The following SRP68 variants were observed in gnomAD, a reference collection of about 807,000 sequenced individuals.
The protein encoded by SRP68 is signal recognition particle subunit SRP68.
A neutral mutation model predicts 82.2 loss-of-function variants in SRP68; 15 were observed. That is an observed-to-expected ratio of 0.18 (90% confidence interval 0.12 to 0.28). The LOEUF (loss-of-function observed/expected upper bound fraction) is 0.28, where lower values mean the gene tolerates loss of function less well. Ranked by LOEUF, SRP68 falls within the 10% of genes least tolerant of loss-of-function variation. The pLI is 1.00. For synonymous variants in SRP68, 261 were observed against 292.6 expected, an observed-to-expected ratio of 0.89 and a Z score of 1.10; for missense variants, 595 against 780.5, an observed-to-expected ratio of 0.76 and a Z score of 2.83.
Position 76,053,409 on chromosome 17 carries a change from G to C in SRP68, c.979-2883C>G, listed in dbSNP as rs1401650532. Reference sequence around the variant, plus strand: ...TCAGACAAGTGGGGTTAAGTGGTTGGAGCAACCGGCGTTCAAGAAAAGAGC... The same window carrying C: ...TCAGACAAGTGGGGTTAAGTGGTTGCAGCAACCGGCGTTCAAGAAAAGAGC... On this transcript the variant is annotated intron_variant, in intron 8 of 15. Transcript: ENST00000307877. 6 of 970,892 alleles carry C rather than the reference G, an allele frequency of 6.2e-6. No homozygotes were observed. In the African/African-American group the frequency reaches 1.1e-4, roughly 17 times the overall value. 60.1% of individuals were successfully genotyped at this position (970,892 alleles called of 1,614,324 possible).
At chr17:76,041,056 A>C in intron 13 of SRP68, 78 bp from the exon 14 acceptor site, 1 of 1,104,900 alleles carries the variant, frequency 9.1e-7, no homozygotes. Context: ...GAGTTAACCG[A>C]CCCCACTGGT....
At chr17:76,050,337 C>T in intron 9 of SRP68, 91 bp downstream of exon 9, 1 of 878,636 alleles carries the variant, frequency 1.1e-6, no homozygotes, top group Non-Finnish European at 1.9e-6. Context: ...GCGAGCAGTG[C>T]ACTCAGAGCA....
At chr17:76,047,823 A>C (rs1027340905) in intron 10 of SRP68, 83 bp downstream of exon 10, 12 of 671,966 alleles carry the variant, frequency 1.8e-5, no homozygotes, top group Non-Finnish European at 2.6e-5. Flanking sequence ...TTATAAATGT[A>C]AATATACATA....
At chr17:76,061,956 C>A (rs1245500867) in intron 4 of SRP68, among the ~76,000 whole-genome samples, 1 of 151,404 alleles carries the variant, frequency 6.6e-6, no homozygotes, top group Non-Finnish European at 1.5e-5. Context: ...CTGGGCAACA[C>A]AGCAAGATCT....
Position 76,061,138 on chromosome 17 carries a change from G to A in SRP68, c.726C>T (p.Pro242=). 6.2e-7 allele frequency: 1 copy of A among 1,613,040 alleles called. No homozygotes were observed. Among genetic ancestry groups the A allele is most frequent in the Non-Finnish European group, 8.5e-7 (1 of 1,179,002 alleles). Residue 242 remains proline (P), a synonymous_variant, in exon 6 of 16, where the codon CCC becomes CCT. Transcript: ENST00000307877. ...LYNQRVEEIS[P]NIRYCAYNIG... is the part of the protein sequence containing the mutation. ...TATTATATGCACAATAGCGGATGTTGGGTGAAATCTCTTCCACACGTTGGT... is the reference window on the plus strand; with the variant it reads ...TATTATATGCACAATAGCGGATGTTAGGTGAAATCTCTTCCACACGTTGGT...
chr17:76,051,761 T>C (rs1391609705), intron 8 of SRP68, among the ~76,000 whole-genome samples: 2 of 152,142 alleles, frequency 1.3e-5, no homozygotes. Flanking sequence ...GCTATAAATC[T>C]AGTAAAGCAA....
chr17:76,062,778 A>T (rs1413762488), intron 4 of SRP68, among the ~76,000 whole-genome samples: 1 of 100,928 alleles, frequency 9.9e-6, no homozygotes, highest in South Asian at 2.6e-4. Context: ...ATATATATAT[A>T]TATTTTTTTT....
intron 7 of SRP68, 61 bp downstream of exon 7, chr17:76,060,247 T>C (rs1840853067): frequency 5.5e-6 from 6 of 1,093,910 alleles, no homozygotes; most frequent in South Asian, 1.3e-5. Context: ...TAGGGGATTA[T>C]GAATTACTCC....
intron 2 of SRP68, 36 bp from the exon 3 acceptor site, chr17:76,067,366 G>C (rs1457627003): frequency 6.8e-7 from 1 of 1,466,130 alleles, no homozygotes; most frequent in Non-Finnish European, 9.5e-7. Flanking sequence ...ACTCAGCCAA[G>C]CTGAGAGTAT....
At chr17:76,057,264 C>G in intron 8 of SRP68, 139 bp downstream of exon 8, 1 of 958,774 alleles carries the variant, frequency 1.0e-6, no homozygotes, top group Non-Finnish European at 1.6e-6. Flanking sequence ...TAAGGCACAT[C>G]TCCGTACTTA....
intron 4 of SRP68, among the ~76,000 whole-genome samples, chr17:76,063,504 A>G (rs1176995166): frequency 6.6e-6 from 1 of 152,124 alleles, no homozygotes; most frequent in African/African-American, 2.4e-5. Flanking sequence ...CCTGGCCAAC[A>G]CAGTGAAACC....
chr17:76,043,815 G>A lies in SRP68; in HGVS notation c.1524+14C>T, dbSNP rs774852038. 5 of 1,582,810 alleles carry A rather than the reference G, an allele frequency of 3.2e-6. No individual in the cohort carries two copies. The South Asian group carries it at 3.5e-5, about 11-fold the overall frequency. Reference sequence around the variant, plus strand: ...CTGCCAGGGCTTGCAAACAAGGAGAGGCCAACCTCTCACCTTTAGGCTGTT... The same window carrying A: ...CTGCCAGGGCTTGCAAACAAGGAGAAGCCAACCTCTCACCTTTAGGCTGTT... On this transcript the variant is annotated intron_variant, in intron 13 of 15. Transcript: ENST00000307877.
At chr17:76,050,969 C>T (rs532315182) in intron 8 of SRP68, among the ~76,000 whole-genome samples, 1 of 152,222 alleles carries the variant, frequency 6.6e-6, no homozygotes, top group East Asian at 1.9e-4. Flanking sequence ...ACAAACTTGT[C>T]AAGCTCTACT....
At chr17:76,044,458 C>T (rs1598258235) in intron 12 of SRP68, among the ~76,000 whole-genome samples, 1 of 152,160 alleles carries the variant, frequency 6.6e-6, no homozygotes, top group Admixed American at 6.5e-5. Flanking sequence ...GGAGTGAAGA[C>T]GGGGCATGCT....
chr17:76,043,838 G>A lies in SRP68; in HGVS notation c.1515C>T (p.Asn505=). 1 of 1,603,122 alleles carries A rather than the reference G, an allele frequency of 6.2e-7. No homozygotes were observed. The highest frequency in any genetic ancestry group is 8.5e-7 in the Non-Finnish European group (1 of 1,176,944). ...EVNSDAGAFK[N]SLKDLPDVQE... ...GAGGCCAACCTCTCACCTTTAGGCT[G>A]TTCTTGAAGGCGCCAGCATCAGAAT... Residue 505 remains asparagine, a synonymous_variant, in exon 13 of 16, where the codon AAC becomes AAT. Coordinates refer to ENST00000307877, the MANE Select transcript of SRP68 (RefSeq NM_014230.4).
chr17:76,044,126 T>C (rs1354243385), intron 12 of SRP68, among the ~76,000 whole-genome samples, 168 bp from the exon 13 acceptor site: 1 of 152,210 alleles, frequency 6.6e-6, no homozygotes, highest in Non-Finnish European at 1.5e-5. Flanking sequence ...TAGGCTACCC[T>C]GCAGAGATGC....
chr17:76,042,773 CAG>C (rs146499523), intron 13 of SRP68, among the ~76,000 whole-genome samples: 25,629 of 151,878 alleles, frequency 0.17, 2,285 homozygotes, highest in Non-Finnish European at 0.2. Flanking sequence ...TTTGTAGAGA[CAG>C]AGTTTCGCCA....
intron 10 of SRP68, among the ~76,000 whole-genome samples, chr17:76,046,815 C>T (rs148272292): frequency 6.6e-6 from 1 of 152,026 alleles, no homozygotes; most frequent in African/African-American, 2.4e-5. Flanking sequence ...GTGGTGGGCA[C>T]CTGTAGTCCC....
chr17:76,050,405 C>G (rs772489264), intron 9 of SRP68, 23 bp downstream of exon 9: 6 of 1,585,922 alleles, frequency 3.8e-6, no homozygotes, highest in Non-Finnish European at 3.5e-6. Flanking sequence ...GAGCAAGAAC[C>G]AGGGCTCGGC....
Sources: allele counts gnomAD v4.1 joint callset (sites outside exome capture counted in the v4.1 genomes callset), GRCh38; gene constraint gnomAD v4.1.1; transcripts MANE v1.5; gene names NCBI Gene and HGNC (gene_info 2026-07-23, HGNC 2026-07-21).